The following FANCM variants were observed in gnomAD, a reference collection of about 807,000 sequenced individuals.
The protein encoded by FANCM is FA complementation group M.
Under a neutral mutation model 199.5 loss-of-function variants are expected in FANCM, and 140 were observed. The ratio of observed to expected loss-of-function variants is 0.70; its 90% CI spans 0.61 to 0.81. The LOEUF (loss-of-function observed/expected upper bound fraction) is 0.81, where lower values mean the gene tolerates loss of function less well. Ranked by LOEUF, FANCM falls within the 30% of genes least tolerant of loss-of-function variation. FANCM has a pLI of 0.00. For synonymous variants in FANCM, 840 were observed against 836.8 expected, an observed-to-expected ratio of 1.00 and a Z score of -0.07; for missense variants, 2,410 against 2,421.4, an observed-to-expected ratio of 1.00 and a Z score of 0.10.
chr14:45,200,759 C>A lies in FANCM; in HGVS notation c.*751C>A, dbSNP rs972864961. ...TTTATAAGCTTTTCCTCTGTTCACT[C>A]TGCAGTTCTCTTGCCTACTGCCATG... On this transcript the variant is annotated 3_prime_UTR_variant, in exon 23 of 23. Transcript: ENST00000267430. 4 of 152,210 alleles carry A rather than the reference C, an allele frequency of 2.6e-5. No individual in the cohort carries two copies. The highest frequency in any genetic ancestry group is 9.6e-5 in the African/African-American group (4 of 41,460). The allele number at this position is 152,210 out of a possible 1,614,324, so 9.4% of individuals were successfully genotyped here.
In FANCM at chr14:45,170,636, G is replaced by T; in HGVS notation, c.2050G>T (p.Glu684Ter). ...LKKDWFLSEE[E>*]FKLWNRLYRL... ...GAAAGATTGGTTCTTATCAGAAGAA[G>T]AATTTAAATTATGGAACAGACTTTA... Residue 684 changes from glutamate to a stop codon, truncating the protein, a stop_gained, in exon 12 of 23, where the codon GAA becomes TAA. Transcript: ENST00000267430. LOFTEE classifies it high-confidence loss of function. 1.2e-6 allele frequency: 2 copies of T among 1,602,284 alleles called. No homozygotes were observed. Among genetic ancestry groups the T allele is most frequent in the Non-Finnish European group, 8.6e-7 (1 of 1,169,588 alleles).
rs375732305 is a variant in FANCM at position 45,196,153 on chromosome 14, G to T, written c.5341-19G>T. On this transcript the variant is annotated intron_variant, in intron 20 of 22. Coordinates refer to ENST00000267430, the MANE Select transcript of FANCM (RefSeq NM_020937.4). ...TATGCATTTAACCTGAATGTGACCA[G>T]TGTTTTCCACTTTTTCAGGATGGTA... 6.2e-7 allele frequency: 1 copy of T among 1,614,006 alleles called. No homozygotes were observed. Among genetic ancestry groups the T allele is most frequent in the Non-Finnish European group, 8.5e-7 (1 of 1,179,880 alleles).
In FANCM at chr14:45,159,206, A is replaced by G. The variant is rs1887404948; in HGVS notation, c.1507A>G (p.Ile503Val). Reference sequence around the variant, plus strand: ...AATGCTTTCACAGCATCAGCCAATTATTAGAGTAATGACTTTTGTCGGCCA... The same window carrying G: ...AATGCTTTCACAGCATCAGCCAATTGTTAGAGTAATGACTTTTGTCGGCCA... ...AEMLSQHQPIIRVMTFVGHAS... is the reference protein window; with the variant it reads ...AEMLSQHQPIVRVMTFVGHAS... Residue 503 changes from isoleucine (I) to valine (V), a missense_variant, in exon 9 of 23, where the codon ATT (isoleucine) becomes GTT (valine). Physicochemically the swap from Ile to Val is conservative, Grantham distance 29. Coordinates refer to ENST00000267430, the MANE Select transcript of FANCM (RefSeq NM_020937.4). 1.9e-6 allele frequency: 3 copies of G among 1,613,792 alleles called. No individual in the cohort carries two copies. Among genetic ancestry groups the G allele is most frequent in the Admixed American group, 3.3e-5 (2 of 59,988 alleles).
intron 3 of FANCM, among the ~76,000 whole-genome samples, chr14:45,142,059 G>A (rs1886007058): frequency 6.6e-6 from 1 of 152,012 alleles, no homozygotes; most frequent in Non-Finnish European, 1.5e-5. Flanking sequence ...CAGAAAAATT[G>A]CAAAAATAGA....
At chr14:45,180,496 G>C (rs1888998198) in intron 14 of FANCM, among the ~76,000 whole-genome samples, 1 of 151,922 alleles carries the variant, frequency 6.6e-6, no homozygotes, top group Admixed American at 6.6e-5. Flanking sequence ...ACTCAGGCTA[G>C]ATTGTAGTGG....
At position 45,200,019 on chromosome 14, in the gene FANCM, C is replaced by A; in HGVS notation, c.*11C>A. The A allele has an allele frequency of 1.2e-6, 2 of 1,600,390 alleles. No individual in the cohort carries two copies. Among genetic ancestry groups the A allele is most frequent in the South Asian group, 2.2e-5 (2 of 90,548 alleles). On this transcript the variant is annotated 3_prime_UTR_variant, in exon 23 of 23. Coordinates refer to ENST00000267430, the MANE Select transcript of FANCM (RefSeq NM_020937.4). Reference sequence around the variant, plus strand: ...AAATCTGATATATAATCAAGCTGCTCAAGATGGGGTTTTCAAAGACCTCTC... The same window carrying A: ...AAATCTGATATATAATCAAGCTGCTAAAGATGGGGTTTTCAAAGACCTCTC...
rs770788407 is a variant in FANCM, at chr14:45,181,419, A to G, written c.4223-11A>G. 6.8e-7 allele frequency: 1 copy of G among 1,476,940 alleles called. No individual in the cohort carries two copies. Among genetic ancestry groups the G allele is most frequent in the Non-Finnish European group, 9.4e-7 (1 of 1,059,010 alleles). The allele number at this position is 1,476,940 out of a possible 1,614,324, so 91.5% of individuals were successfully genotyped here. ...TATTAACCATTCATTATTTTAAAAA[A>G]TAAATTATAGATGGACAATTATTAA... On this transcript the variant is annotated splice_polypyrimidine_tract_variant and intron_variant, in intron 14 of 22. Transcript: ENST00000267430.
intron 4 of FANCM, 43 bp downstream of exon 4, chr14:45,149,038 G>T: frequency 7.2e-7 from 1 of 1,394,122 alleles, no homozygotes; most frequent in Non-Finnish European, 1.0e-6. Flanking sequence ...TAAATAAACT[G>T]GTAATTGAAT....
chr14:45,181,673 G>A lies in FANCM; in HGVS notation c.4354G>A (p.Ala1452Thr), dbSNP rs2139271166. Residue 1452 changes from alanine (A) to threonine (T), a missense_variant, in exon 16 of 23, where the codon GCT (alanine) becomes ACT (threonine). Physicochemically the swap from Ala to Thr is moderately conservative, Grantham distance 58 (BLOSUM62 0). Coordinates refer to ENST00000267430, the MANE Select transcript of FANCM (RefSeq NM_020937.4). The part of the protein sequence containing the change: ...KNSEVDSPLH[A>T]VKKRRFPINR... ...TAGTGAAGTTGATTCTCCACTTCAT[G>A]CTGTCAAAAAGCGCAGATTTCCTAT... 6.2e-7 allele frequency: 1 copy of A among 1,611,246 alleles called. No individual in the cohort carries two copies. The highest frequency in any genetic ancestry group is 2.2e-5 in the East Asian group (1 of 44,730).
intron 4 of FANCM, 111 bp downstream of exon 4, chr14:45,149,106 G>T (rs779059514): frequency 1.8e-4 from 174 of 957,778 alleles, no homozygotes; most frequent in Non-Finnish European, 2.3e-4. Flanking sequence ...TTATATAATT[G>T]ATATGTTGAA....
At chr14:45,158,150 A>G (rs1302273293) in intron 8 of FANCM, among the ~76,000 whole-genome samples, 2 of 152,214 alleles carry the variant, frequency 1.3e-5, no homozygotes, top group South Asian at 2.1e-4. Context: ...GTGAGCCATG[A>G]TGGTGCCACT....
At chr14:45,151,122 TGA>T (rs1318255128) in intron 4 of FANCM, among the ~76,000 whole-genome samples, 7 of 151,962 alleles carry the variant, frequency 4.6e-5, no homozygotes, top group Non-Finnish European at 1.0e-4. Flanking sequence ...GTGTGTAGGT[TGA>T]GAGAGAGAGG....
chr14:45,139,080 G>A (rs530773730), intron 2 of FANCM, among the ~76,000 whole-genome samples: 21 of 152,268 alleles, frequency 1.4e-4, no homozygotes, highest in Non-Finnish European at 2.8e-4. Context: ...AATCCAGTAA[G>A]CAATCTTTTT....
At chr14:45,170,549 T>A (rs1888270604) in intron 11 of FANCM, 40 bp from the exon 12 acceptor site, 1 of 1,499,538 alleles carries the variant, frequency 6.7e-7, no homozygotes, top group Non-Finnish European at 9.2e-7. Context: ...CTTTGCAGAT[T>A]TTTAAAAAGT....
chr14:45,196,102 C>G lies in FANCM; in HGVS notation c.5341-70C>G, dbSNP rs544437559. On this transcript the variant is annotated intron_variant, in intron 20 of 22. Coordinates refer to ENST00000267430, the MANE Select transcript of FANCM (RefSeq NM_020937.4). ...CATTCTCATTAAGGATAATCAACTT[C>G]GGGTGTGAGACGTTTATGGCATTTT... 2.8e-5 allele frequency: 42 copies of G among 1,498,898 alleles called. 1 individual carries two copies. The East Asian group carries it at 9.3e-4, about 33-fold the overall frequency. 92.8% of individuals were successfully genotyped at this position (1,498,898 alleles called of 1,614,324 possible).
chr14:45,186,641 G>A (rs1235236100), intron 18 of FANCM, among the ~76,000 whole-genome samples: 4 of 152,196 alleles, frequency 2.6e-5, no homozygotes, highest in African/African-American at 4.8e-5. Flanking sequence ...GCAGGATAAG[G>A]TTTTATGTCC....
In FANCM at chr14:45,148,983, G is replaced by A. The variant is rs774016583; in HGVS notation, c.906G>A (p.Lys302=). ...PLGEELAAIQ[K]TYIQILESFA... ...GTGAAGAACTTGCAGCCATCCAAAA[G>A]ACCTATATCCAGGTAAACCATTTTT... is the stretch of plus-strand genomic sequence containing the variant. Residue 302 remains lysine, a synonymous_variant, in exon 4 of 23, where the codon AAG becomes AAA. Transcript: ENST00000267430. 1 of 1,613,458 alleles carries A rather than the reference G, an allele frequency of 6.2e-7. No individual in the cohort carries two copies. Among genetic ancestry groups the A allele is most frequent in the Non-Finnish European group, 8.5e-7 (1 of 1,179,588 alleles).
chr14:45,185,369 A>G lies in FANCM; in HGVS notation c.4668A>G (p.Ile1556Met), dbSNP rs531893091. 10 of 1,561,554 alleles carry G rather than the reference A, an allele frequency of 6.4e-6. No homozygotes were observed. The African/African-American group carries it at 1.4e-4, about 21-fold the overall frequency. The change falls in exon 18 of 23, where the codon ATA (isoleucine) becomes ATG (methionine). Residue 1556 changes from isoleucine (I) to methionine (M), a missense_variant. Transcript: ENST00000267430. ...ATGAAACTCAACTTTCACAGGCTAT[A>G]AATGGTAAATGTTATAATGATCCTT... ...LNDETQLSQAINDSEMRAIYM... is the reference protein window; with the variant it reads ...LNDETQLSQAMNDSEMRAIYM...
intron 3 of FANCM, among the ~76,000 whole-genome samples, chr14:45,148,129 G>A (rs1004330815): frequency 2.6e-5 from 4 of 151,958 alleles, no homozygotes; most frequent in South Asian, 4.2e-4. Context: ...CCTGGGAGGC[G>A]GAGGTTGCAG....
Sources: allele counts gnomAD v4.1 joint callset (sites outside exome capture counted in the v4.1 genomes callset), GRCh38; gene constraint gnomAD v4.1.1; transcripts MANE v1.5; gene names NCBI Gene and HGNC (gene_info 2026-07-23, HGNC 2026-07-21).